CCSER1: variants seen among roughly 807,000 people sequenced by gnomAD.
The protein encoded by CCSER1 is serine-rich coiled-coil domain-containing protein 1.
In CCSER1, 41 loss-of-function variants were observed where a neutral mutation model predicts 82.0. The observed-to-expected ratio is 0.50, with a 90% CI of 0.39 to 0.65. The LOEUF is 0.65. Among genes scored for constraint, CCSER1 ranks in the 30% least tolerant of loss-of-function variants. The pLI, the probability that CCSER1 is intolerant of heterozygous loss-of-function variation, is 0.00. For missense variants in CCSER1, 1,119 were observed against 1,064.2 expected, an observed-to-expected ratio of 1.05 and a Z score of -0.72; for synonymous variants, 414 against 383.9, an observed-to-expected ratio of 1.08 and a Z score of -0.92.
At chr4:90,548,941 T>G (rs1777124705) in intron 5 of CCSER1, among the ~76,000 whole-genome samples, 1 of 152,064 alleles carries the variant, frequency 6.6e-6, no homozygotes, top group African/African-American at 2.4e-5. Context: ...GAATCAAGAT[T>G]GAGTTGGTTT....
At chr4:91,330,229 T>G (rs1396537228) in intron 10 of CCSER1, among the ~76,000 whole-genome samples, 1 of 152,198 alleles carries the variant, frequency 6.6e-6, no homozygotes, top group Admixed American at 6.5e-5. Context: ...ATACATTTAA[T>G]TTTTTCTCTT....
chr4:90,775,373 GT>G (rs1752761405), intron 7 of CCSER1, among the ~76,000 whole-genome samples: 1 of 152,154 alleles, frequency 6.6e-6, no homozygotes, highest in Non-Finnish European at 1.5e-5. Context: ...GGTACAGATA[GT>G]TTGGTAACAT....
chr4:91,010,010 T>G (rs928586192), intron 9 of CCSER1, among the ~76,000 whole-genome samples: 2 of 152,154 alleles, frequency 1.3e-5, no homozygotes, highest in African/African-American at 4.8e-5. Context: ...TTTCTAAAAT[T>G]TTTATGTTAT....
intron 10 of CCSER1, among the ~76,000 whole-genome samples, chr4:91,474,034 T>C (rs973714298): frequency 1.3e-5 from 2 of 152,112 alleles, no homozygotes; most frequent in African/African-American, 4.8e-5. Context: ...GTTTCTTCGA[T>C]GTTCTAGATT....
At chr4:91,389,606 T>C (rs1338447175) in intron 10 of CCSER1, among the ~76,000 whole-genome samples, 1 of 151,978 alleles carries the variant, frequency 6.6e-6, no homozygotes, top group East Asian at 1.9e-4. Context: ...AGTTTGTAAA[T>C]ATCGACAAAA....
intron 9 of CCSER1, among the ~76,000 whole-genome samples, chr4:90,989,932 G>T (rs1188258134): frequency 2.0e-5 from 3 of 151,742 alleles, no homozygotes; most frequent in African/African-American, 7.3e-5. Context: ...GAAATTATAT[G>T]GTTCTAGCAC....
intron 3 of CCSER1, among the ~76,000 whole-genome samples, chr4:90,376,165 T>C (rs1748275578): frequency 6.6e-6 from 1 of 152,214 alleles, no homozygotes; most frequent in South Asian, 2.1e-4. Context: ...TTCAGATGAC[T>C]GCAGAGATCT....
intron 9 of CCSER1, among the ~76,000 whole-genome samples, chr4:91,053,844 C>G (rs935897252): frequency 6.6e-6 from 1 of 152,118 alleles, no homozygotes; most frequent in Non-Finnish European, 1.5e-5. Flanking sequence ...CTGTCTTGTT[C>G]TTTTTCTGTT....
chr4:90,827,258 C>A (rs994916702), intron 8 of CCSER1, among the ~76,000 whole-genome samples: 1 of 152,158 alleles, frequency 6.6e-6, no homozygotes, highest in Admixed American at 6.6e-5. Context: ...TGTCATGGCA[C>A]TGATGGGACT....
chr4:91,209,445 C>T (rs951936942), intron 10 of CCSER1, among the ~76,000 whole-genome samples: 1 of 151,772 alleles, frequency 6.6e-6, no homozygotes, highest in African/African-American at 2.4e-5. Flanking sequence ...TTATTGAAAG[C>T]CTTTCCTGCA....
rs114161111 is a variant in CCSER1, at chr4:91,584,916, G to A, written c.2218-13656G>A. On this transcript the variant is annotated intron_variant, in intron 10 of 10. Transcript: ENST00000509176. ...ACATGTCTTCCTTCATTCTTAACAA[G>A]TGTATGCATTCTGAATTGCCTTTTA... is the stretch of plus-strand genomic sequence containing the variant. 6.6e-3 allele frequency among the ~76,000 whole-genome samples: 1,004 copies of A among 151,438 alleles called. 6 individuals are homozygous for A. The highest frequency in any genetic ancestry group is 0.018 in the African/African-American group (740 of 41,392).
At chr4:90,937,480 A>AACACACACACACACAC (rs148799317) in intron 9 of CCSER1, among the ~76,000 whole-genome samples, 265 of 146,138 alleles carry the variant, frequency 1.8e-3, no homozygotes, top group Middle Eastern at 7.0e-3. Flanking sequence ...TCTAATTTGA[A>AACACACACACACACAC]ACACACACAC....
At chr4:90,711,766 T>C (rs1580090705) in intron 6 of CCSER1, among the ~76,000 whole-genome samples, 1 of 151,458 alleles carries the variant, frequency 6.6e-6, no homozygotes, top group Non-Finnish European at 1.5e-5. Context: ...TTTGCATTGA[T>C]GTCCATCAAG....
chr4:90,281,621 A>G (rs1353105344), intron 1 of CCSER1, among the ~76,000 whole-genome samples: 2 of 152,070 alleles, frequency 1.3e-5, no homozygotes, highest in Non-Finnish European at 2.9e-5. Context: ...AATAAAGGTG[A>G]AACTATTACC....
chr4:90,933,032 GAAAGAA>G (rs1473818355), intron 9 of CCSER1, among the ~76,000 whole-genome samples: 1 of 96,392 alleles, frequency 1.0e-5, no homozygotes, highest in Non-Finnish European at 2.0e-5. Flanking sequence ...AAGAAAGAAA[GAAAGAA>G]AGAAAGAGAA....
At position 90,391,444 on chromosome 4, in the gene CCSER1, GTATATATATATATATATATATATA is replaced by G. The variant is rs770320334; in HGVS notation, c.1510-8573_1510-8550del. Among the ~76,000 whole-genome samples the G allele has an allele frequency of 1.9e-3, 73 of 37,490 alleles. 3 individuals are homozygous for G. In the South Asian group the frequency reaches 0.033, roughly 17 times the overall value. The allele number at this position is 37,490 out of a possible 152,430, so 24.6% of individuals were successfully genotyped here. On this transcript the variant is annotated intron_variant, in intron 3 of 10. Transcript: ENST00000509176. ...ACCCTATATATATAAATATATGGGGGTATATATATATATATATATATATATATATATATATATATATACACACAC... is the reference window on the plus strand; with the variant it reads ...ACCCTATATATATAAATATATGGGGGTATATATATATATATATACACACAC...
At chr4:91,572,513 C>A (rs1763233706) in intron 10 of CCSER1, among the ~76,000 whole-genome samples, 1 of 152,150 alleles carries the variant, frequency 6.6e-6, no homozygotes, top group African/African-American at 2.4e-5. Flanking sequence ...TGATGTCAGG[C>A]AAACGGCAAA....
intron 5 of CCSER1, among the ~76,000 whole-genome samples, chr4:90,499,094 G>A (rs774546655): frequency 3.4e-4 from 51 of 151,696 alleles, no homozygotes; most frequent in Non-Finnish European, 7.2e-4. Flanking sequence ...ATATATATGT[G>A]TGTGTATATG....
intron 4 of CCSER1, among the ~76,000 whole-genome samples, chr4:90,460,437 A>G (rs1368449369): frequency 6.6e-6 from 1 of 151,920 alleles, no homozygotes; most frequent in Admixed American, 6.6e-5. Context: ...CTGTCATAAA[A>G]TGAAAGGTTA....
Sources: allele counts gnomAD v4.1 joint callset (sites outside exome capture counted in the v4.1 genomes callset), GRCh38; gene constraint gnomAD v4.1.1; transcripts MANE v1.5; gene names NCBI Gene and HGNC (gene_info 2026-07-23, HGNC 2026-07-21).